Variants in PTGER3 observed in about 807,000 individuals in gnomAD.
PTGER3 encodes the protein prostaglandin E2 receptor EP3 subtype.
A neutral mutation model predicts 34.7 loss-of-function variants in PTGER3; 22 were observed. The ratio of observed to expected loss-of-function variants is 0.63; its 90% CI spans 0.45 to 0.91. PTGER3 has a LOEUF of 0.91. Among genes scored for constraint, PTGER3 ranks in the 40% least tolerant of loss-of-function variants. The pLI is 0.00. For synonymous variants in PTGER3, 241 were observed against 230.1 expected, an observed-to-expected ratio of 1.05 and a Z score of -0.43; for missense variants, 468 against 519.4, an observed-to-expected ratio of 0.90 and a Z score of 0.96.
rs571840076 is a variant in PTGER3 at position 71,039,507 on chromosome 1, G to A, written c.897+7174C>T. The stretch of plus-strand genomic sequence containing the variant: ...CTACTAAAAATAGAAAAAATTAGCC[G>A]GGTGTGGTGGTGGGCGCCTGTAGTC... On this transcript the variant is annotated intron_variant, in intron 1 of 3. Coordinates refer to ENST00000306666, the MANE Select transcript of PTGER3 (RefSeq NM_198719.2). 1.3e-4 allele frequency among the ~76,000 whole-genome samples: 20 copies of A among 151,796 alleles called. No homozygotes were observed. The South Asian group carries it at 2.5e-3, about 19-fold the overall frequency.
intron 4 of PTGER3, among the ~76,000 whole-genome samples, chr1:70,915,288 C>T (rs926414282): frequency 6.6e-6 from 1 of 151,796 alleles, no homozygotes; most frequent in African/African-American, 2.4e-5. Flanking sequence ...TCTTATATAT[C>T]TCTTTCATGG....
intron 4 of PTGER3, among the ~76,000 whole-genome samples, chr1:70,880,666 A>T (rs1646370879): frequency 6.7e-6 from 1 of 149,722 alleles, no homozygotes; most frequent in African/African-American, 2.5e-5. Flanking sequence ...CTCCAGCCTG[A>T]GTGAAAGAGC....
chr1:71,010,863 C>T (rs1657379979), intron 2 of PTGER3: 1 of 984,834 alleles, frequency 1.0e-6, no homozygotes, highest in Non-Finnish European at 1.2e-6. Context: ...CATATTGTAC[C>T]TATCAAAATT....
Position 70,923,898 on chromosome 1 carries a change from G to A in PTGER3, c.*23+29865C>T, listed in dbSNP as rs111243994. On this transcript the variant is annotated intron_variant, in intron 4 of 4. Transcript: ENST00000370931. ...TCTTTTGCAACGGGACACAATTGGA[G>A]AAACTGGTTATTTTACCAAGGCTTT... 5.2e-3 allele frequency among the ~76,000 whole-genome samples: 785 copies of A among 152,306 alleles called. 1 individual carries two copies. Among genetic ancestry groups the A allele is most frequent in the Non-Finnish European group, 8.6e-3 (583 of 68,030 alleles).
intron 4 of PTGER3, among the ~76,000 whole-genome samples, chr1:70,922,316 G>A (rs966231931): frequency 6.6e-6 from 1 of 152,046 alleles, no homozygotes; most frequent in African/African-American, 2.4e-5. Context: ...GAAGGTTTAT[G>A]ACAAGTCAGA....
intron 1 of PTGER3, among the ~76,000 whole-genome samples, chr1:71,013,537 T>G (rs985484216): frequency 4.6e-5 from 7 of 151,918 alleles, no homozygotes; most frequent in African/African-American, 1.7e-4. Context: ...ACCCTGTCTC[T>G]ACTAAAAATA....
At chr1:70,968,658 G>C (rs1045810859), downstream of PTGER3, among the ~76,000 whole-genome samples, 2 of 151,730 alleles carry the variant, frequency 1.3e-5, no homozygotes, top group Non-Finnish European at 2.9e-5. Flanking sequence ...AATGTTCTCT[G>C]TACCTGCTCA....
chr1:70,952,920 A>C (rs202001566), exon 4 of PTGER3: 1 of 1,609,226 alleles, frequency 6.2e-7, no homozygotes, highest in African/African-American at 1.3e-5. Flanking sequence ...TTCTGTCTTT[A>C]CTGTTGAGAT....
At chr1:70,989,327 GTGTTAT>G (rs1298881863) in intron 2 of PTGER3, among the ~76,000 whole-genome samples, 1 of 152,150 alleles carries the variant, frequency 6.6e-6, no homozygotes, top group African/African-American at 2.4e-5. Context: ...GTATGTCAAA[GTGTTAT>G]TGTTGTTACT....
At chr1:70,958,168 C>T (rs1452823833) in intron 2 of PTGER3, among the ~76,000 whole-genome samples, 1 of 152,092 alleles carries the variant, frequency 6.6e-6, no homozygotes, top group Non-Finnish European at 1.5e-5. Flanking sequence ...CATGGGTGTG[C>T]AGATGTATCA....
chr1:70,979,424 AAATT>A (rs1287740871), intron 2 of PTGER3, among the ~76,000 whole-genome samples: 1 of 152,060 alleles, frequency 6.6e-6, no homozygotes, highest in Non-Finnish European at 1.5e-5. Context: ...TTTCATAAAA[AAATT>A]AATTGTTATT....
At position 71,009,696 on chromosome 1, in the gene PTGER3, G is replaced by C. The variant is rs796408855; in HGVS notation, c.1077+2609C>G. 2.1e-5 allele frequency: 21 copies of C among 984,744 alleles called. No individual in the cohort carries two copies. The African/African-American group carries it at 3.7e-4, about 17-fold the overall frequency. The allele number at this position is 984,744 out of a possible 1,614,324, so 61.0% of individuals were successfully genotyped here. The stretch of plus-strand genomic sequence containing the variant: ...ACCATGGTTTTCTTGGCCTTTAATT[G>C]TCTTTTAACCAATACTTCAAAATTC... On this transcript the variant is annotated intron_variant, in intron 2 of 3. Coordinates refer to ENST00000306666, the MANE Select transcript of PTGER3 (RefSeq NM_198719.2).
At position 70,939,073 on chromosome 1, in the gene PTGER3, A is replaced by T. The variant is rs560671211; in HGVS notation, c.*23+14690T>A. 2.7e-4 allele frequency among the ~76,000 whole-genome samples: 41 copies of T among 152,326 alleles called. 1 individual carries two copies. The East Asian group carries it at 7.5e-3, about 28-fold the overall frequency. On this transcript the variant is annotated intron_variant, in intron 4 of 4. Transcript: ENST00000370931. ...AAAGGCAACTAGTTACTTCCTAGAT[A>T]CAATAGGGGTACAAGTATTAGATAA...
chr1:70,957,332 A>G (rs1029321036), intron 2 of PTGER3, among the ~76,000 whole-genome samples: 1 of 152,214 alleles, frequency 6.6e-6, no homozygotes, highest in Non-Finnish European at 1.5e-5. Context: ...CTGAGTTGAT[A>G]ACGTAACTGC....
chr1:70,950,279 T>C (rs74089174), downstream of PTGER3, among the ~76,000 whole-genome samples: 593 of 152,310 alleles, frequency 3.9e-3, 9 homozygotes, highest in African/African-American at 0.013. Flanking sequence ...AACAATCAGC[T>C]GTCTAATAGT....
Position 70,928,654 on chromosome 1 carries a change from C to T in PTGER3, c.*23+25109G>A, listed in dbSNP as rs139010361. On this transcript the variant is annotated intron_variant, in intron 4 of 4. Transcript: ENST00000370931. ...TCTGAAAACAAAACAAAACAAAAAA[C>T]GAAGGATATGCGCAAGAGACTTTCT... Among the ~76,000 whole-genome samples the T allele has an allele frequency of 4.6e-3, 702 of 151,898 alleles. 2 individuals are homozygous for T. Among genetic ancestry groups the T allele is most frequent in the Admixed American group, 9.7e-3 (148 of 15,238 alleles).
chr1:70,897,655 C>G (rs1461246615), intron 4 of PTGER3, among the ~76,000 whole-genome samples: 2 of 152,166 alleles, frequency 1.3e-5, no homozygotes, highest in Non-Finnish European at 2.9e-5. Flanking sequence ...TTCCAGTCCT[C>G]TTTGCCTCCA....
At chr1:70,869,123 C>A (rs547669515) in intron 4 of PTGER3, 1 of 354,332 alleles carries the variant, frequency 2.8e-6, no homozygotes, top group African/African-American at 2.1e-5. Flanking sequence ...TTACTCATAA[C>A]GGAAGGCAAA....
At chr1:70,968,457 A>G (rs895444798), downstream of PTGER3, among the ~76,000 whole-genome samples, 1 of 152,168 alleles carries the variant, frequency 6.6e-6, no homozygotes, top group African/African-American at 2.4e-5. Context: ...TATCTTTATT[A>G]TAACCTTGTT....
Sources: allele counts gnomAD v4.1 joint callset (sites outside exome capture counted in the v4.1 genomes callset), GRCh38; gene constraint gnomAD v4.1.1; transcripts MANE v1.5; gene names NCBI Gene and HGNC (gene_info 2026-07-23, HGNC 2026-07-21).